PTPRT: variants seen among roughly 807,000 people sequenced by gnomAD.
PTPRT encodes protein tyrosine phosphatase receptor type T.
A neutral mutation model predicts 176.8 loss-of-function variants in PTPRT; 56 were observed. The observed-to-expected ratio is 0.32, with a 90% confidence interval of 0.26 to 0.40. The LOEUF is 0.40. Among genes scored for constraint, PTPRT ranks in the 10% least tolerant of loss-of-function variants. The pLI is 1.00. For synonymous variants in PTPRT, 783 were observed against 739.0 expected, an observed-to-expected ratio of 1.06 and a Z score of -0.96; for missense variants, 1,540 against 1,908.2, an observed-to-expected ratio of 0.81 and a Z score of 3.60.
intron 17 of PTPRT, among the ~76,000 whole-genome samples, chr20:42,155,506 G>A (rs1271391518): frequency 2.0e-5 from 3 of 152,118 alleles, no homozygotes; most frequent in Non-Finnish European, 4.4e-5. Flanking sequence ...GGATCACTTT[G>A]ACAAACCCCT....
At chr20:42,659,246 T>C (rs1241645859) in intron 7 of PTPRT, among the ~76,000 whole-genome samples, 1 of 152,220 alleles carries the variant, frequency 6.6e-6, no homozygotes, top group Non-Finnish European at 1.5e-5. Flanking sequence ...CCTGCTCATA[T>C]GACAGCTTTA....
chr20:43,031,870 C>T (rs1444010918), intron 1 of PTPRT, among the ~76,000 whole-genome samples: 1 of 152,126 alleles, frequency 6.6e-6, no homozygotes, highest in East Asian at 1.9e-4. Flanking sequence ...ACTTTGAAAT[C>T]CTGCTGCTCA....
chr20:42,862,033 T>TACACACGC (rs566473564), intron 2 of PTPRT, among the ~76,000 whole-genome samples: 65 of 152,154 alleles, frequency 4.3e-4, no homozygotes, highest in South Asian at 8.3e-4. Flanking sequence ...CAAAAGGTTA[T>TACACACGC]ACACACGCAC....
intron 7 of PTPRT, among the ~76,000 whole-genome samples, chr20:42,574,299 A>G (rs539330387): frequency 1.9e-4 from 29 of 152,300 alleles, no homozygotes; most frequent in South Asian, 1.7e-3. Context: ...CATGTGTTCA[A>G]TCAAAAGGGT....
chr20:42,964,715 C>A (rs58501109), intron 1 of PTPRT, among the ~76,000 whole-genome samples: 5 of 151,970 alleles, frequency 3.3e-5, no homozygotes, highest in Admixed American at 3.3e-4. Context: ...AGTATTTTTT[C>A]GGTGATGATT....
At chr20:42,060,169 G>T in the PTPRT span, among the ~76,000 whole-genome samples, 66 of 152,258 alleles carry the variant, frequency 4.3e-4, no homozygotes, top group African/African-American at 1.6e-3. Flanking sequence ...AATTGTCCAA[G>T]TCATACAACT....
At chr20:42,735,263 G>A (rs1162037047) in intron 6 of PTPRT, among the ~76,000 whole-genome samples, 2 of 152,110 alleles carry the variant, frequency 1.3e-5, no homozygotes, top group Non-Finnish European at 1.5e-5. Context: ...TGTAAGAACT[G>A]TGATGGAGCC....
chr20:42,903,762 T>C (rs891341948), intron 1 of PTPRT, among the ~76,000 whole-genome samples: 11 of 152,170 alleles, frequency 7.2e-5, no homozygotes, highest in African/African-American at 2.7e-4. Context: ...ATACCAAGAT[T>C]GGGTCAAGCC....
chr20:42,718,625 A>C (rs1438077292), intron 6 of PTPRT, among the ~76,000 whole-genome samples: 1 of 152,182 alleles, frequency 6.6e-6, no homozygotes, highest in Non-Finnish European at 1.5e-5. Context: ...CTAGCCAAAA[A>C]ATATATAATT....
intron 18 of PTPRT, among the ~76,000 whole-genome samples, chr20:42,138,326 C>T (rs973650058): frequency 6.6e-6 from 1 of 152,196 alleles, no homozygotes; most frequent in Non-Finnish European, 1.5e-5. Flanking sequence ...TCCTCCAGCA[C>T]CCCTTGGTGG....
chr20:42,927,633 A>T (rs1979572786), intron 1 of PTPRT, among the ~76,000 whole-genome samples: 3 of 152,034 alleles, frequency 2.0e-5, no homozygotes, highest in Admixed American at 2.0e-4. Context: ...AAGGAAAGGG[A>T]GCTACTCATG....
chr20:43,055,669 G>C (rs1208987468), intron 1 of PTPRT, among the ~76,000 whole-genome samples: 2 of 152,206 alleles, frequency 1.3e-5, no homozygotes, highest in Non-Finnish European at 2.9e-5. Flanking sequence ...GACCAGAATT[G>C]TCTGCATTCC....
At chr20:42,882,348 GATTGTATTAGCATGATCCAAT>G (rs1391469873) in intron 2 of PTPRT, among the ~76,000 whole-genome samples, 2 of 152,178 alleles carry the variant, frequency 1.3e-5, no homozygotes, top group Non-Finnish European at 2.9e-5. Context: ...AAGCCCAGAA[GATTGTATTAGCATGATCCAAT>G]ATTTATGAAA....
chr20:42,073,012 A>T lies in PTPRT; in HGVS notation c.*7867T>A, dbSNP rs979971932. 1 of 223,476 alleles carries T rather than the reference A, an allele frequency of 4.5e-6. No individual in the cohort carries two copies. Among genetic ancestry groups the T allele is most frequent in the East Asian group, 6.5e-5 (1 of 15,370 alleles). 13.8% of individuals were successfully genotyped at this position (223,476 alleles called of 1,614,324 possible). A position where few individuals can be genotyped will look rare whatever the true frequency, so the allele number is the denominator to read the frequency against. ...TTGACAGCACAGTGCTGGCTTTTTT[A>T]AAAAGTTGATTTATTTTGTTTTCTC... On this transcript the variant is annotated 3_prime_UTR_variant, in exon 31 of 31. Coordinates refer to ENST00000373187, the MANE Select transcript of PTPRT (RefSeq NM_007050.6).
chr20:42,837,541 T>C (rs973413282), intron 2 of PTPRT, among the ~76,000 whole-genome samples: 1 of 152,158 alleles, frequency 6.6e-6, no homozygotes, highest in African/African-American at 2.4e-5. Context: ...TCCAGCCAGG[T>C]CTGCTGCAGT....
At chr20:42,494,078 C>T (rs572357918) in intron 7 of PTPRT, among the ~76,000 whole-genome samples, 78 of 152,142 alleles carry the variant, frequency 5.1e-4, no homozygotes, top group East Asian at 2.9e-3. Flanking sequence ...TCAATCATCT[C>T]GACCCTTTCA....
chr20:42,085,065 C>T (rs1983745877), intron 28 of PTPRT, among the ~76,000 whole-genome samples: 1 of 152,148 alleles, frequency 6.6e-6, no homozygotes. Context: ...CTGAAAAACT[C>T]CTGCTCAGCC....
At chr20:42,848,183 T>A (rs892068467) in intron 2 of PTPRT, among the ~76,000 whole-genome samples, 1 of 152,148 alleles carries the variant, frequency 6.6e-6, no homozygotes, top group Non-Finnish European at 1.5e-5. Flanking sequence ...TATGGCTGGG[T>A]AATATTCCAT....
At chr20:42,957,303 C>T (rs1009494543) in intron 1 of PTPRT, among the ~76,000 whole-genome samples, 1 of 152,124 alleles carries the variant, frequency 6.6e-6, no homozygotes, top group Non-Finnish European at 1.5e-5. Flanking sequence ...ACGTCACCTG[C>T]TCATAAACAT....
Sources: gnomAD v4.1 joint callset for allele counts (sites outside exome capture counted in the v4.1 genomes callset) on GRCh38, gnomAD v4.1.1 for gene constraint, MANE v1.5 for transcripts, NCBI Gene and HGNC (gene_info 2026-07-23, HGNC 2026-07-21) for gene names.